The following POU6F2 variants were observed in gnomAD, a reference collection of about 807,000 sequenced individuals.
POU6F2 encodes the protein POU domain, class 6, transcription factor 2.
POU6F2 carries 31 observed loss-of-function variants against 71.3 expected under a neutral mutation model. The ratio of observed to expected loss-of-function variants is 0.43; its 90% CI spans 0.33 to 0.59. The LOEUF (loss-of-function observed/expected upper bound fraction) is 0.59. POU6F2 is among the 20% of genes least tolerant of loss of function. POU6F2 has a pLI of 0.04. For synonymous variants in POU6F2, 347 were observed against 355.7 expected (o/e 0.98, Z 0.27); for missense variants, 783 against 856.8 (o/e 0.91, Z 1.07).
chr7:39,160,657 C>T (rs564337161), intron 2 of POU6F2, among the ~76,000 whole-genome samples: 9 of 152,326 alleles, frequency 5.9e-5, no homozygotes, highest in Non-Finnish European at 1.0e-4. Flanking sequence ...CCTCTACCAT[C>T]AGCCCTATTT....
chr7:39,057,408 CT>C (rs1201873517), intron 1 of POU6F2, among the ~76,000 whole-genome samples: 1 of 151,888 alleles, frequency 6.6e-6, no homozygotes, highest in Non-Finnish European at 1.5e-5. Context: ...TTTTTGAAAT[CT>C]TTTTCTATTT....
At chr7:39,377,580 G>A (rs1451856226) in intron 5 of POU6F2, among the ~76,000 whole-genome samples, 1 of 152,176 alleles carries the variant, frequency 6.6e-6, no homozygotes, top group Non-Finnish European at 1.5e-5. Context: ...AGCTTTACAG[G>A]AAGAACTTCC....
At chr7:39,423,478 TG>T (rs1375350512) in intron 6 of POU6F2, among the ~76,000 whole-genome samples, 1 of 79,476 alleles carries the variant, frequency 1.3e-5, no homozygotes, top group Non-Finnish European at 2.6e-5. Context: ...ATTTGCTGAG[TG>T]AGTGAGTGAG....
intron 1 of POU6F2, among the ~76,000 whole-genome samples, chr7:39,042,717 G>T (rs533854250): frequency 1.3e-5 from 2 of 152,078 alleles, no homozygotes; most frequent in African/African-American, 4.8e-5. Context: ...GGCTTACCTT[G>T]CACTGTCAAT....
intron 4 of POU6F2, among the ~76,000 whole-genome samples, chr7:39,290,670 A>G (rs1784737045): frequency 1.3e-5 from 2 of 152,218 alleles, no homozygotes; most frequent in African/African-American, 4.8e-5. Context: ...TAAGAGGCAG[A>G]CCATGTGTCA....
At chr7:39,213,285 G>A (rs906672166) in intron 4 of POU6F2, among the ~76,000 whole-genome samples, 5 of 152,142 alleles carry the variant, frequency 3.3e-5, no homozygotes, top group South Asian at 2.1e-4. Context: ...AACCTGCCCC[G>A]GTTTTCTCTG....
intron 4 of POU6F2, among the ~76,000 whole-genome samples, chr7:39,216,473 G>A (rs1794243753): frequency 6.6e-6 from 1 of 152,132 alleles, no homozygotes; most frequent in African/African-American, 2.4e-5. Flanking sequence ...TAACATTCAG[G>A]ACAAGGCAAA....
intron 2 of POU6F2, among the ~76,000 whole-genome samples, chr7:39,163,055 A>G (rs1793031062): frequency 1.3e-5 from 2 of 152,198 alleles, no homozygotes. Context: ...AACTCATACC[A>G]GTATGAATTT....
intron 2 of POU6F2, among the ~76,000 whole-genome samples, chr7:39,167,480 A>G (rs563932487): frequency 1.4e-4 from 22 of 152,252 alleles, no homozygotes; most frequent in African/African-American, 5.3e-4. Context: ...TGAACATTGT[A>G]TGGATATCTT....
At chr7:39,416,688 A>G (rs1787684240) in intron 6 of POU6F2, among the ~76,000 whole-genome samples, 1 of 152,218 alleles carries the variant, frequency 6.6e-6, no homozygotes, top group Non-Finnish European at 1.5e-5. Flanking sequence ...TGAGTCTAAG[A>G]CACCACTGAT....
At chr7:39,007,988 C>T (rs1321457703) in intron 1 of POU6F2, among the ~76,000 whole-genome samples, 1 of 148,174 alleles carries the variant, frequency 6.7e-6, no homozygotes, top group African/African-American at 2.5e-5. Flanking sequence ...AATAAACATA[C>T]GTGTGCATGT....
rs1298376073 is a variant in POU6F2, at chr7:39,020,794, G to A, written c.105+42736G>A. On this transcript the variant is annotated intron_variant, in intron 1 of 9. Transcript: ENST00000518318. ...CTAGGTTAGATTTTTTTTTTTTAAT[G>A]TACAGAGTTTTTGACATCTGTTTGG... 5.3e-5 allele frequency among the ~76,000 whole-genome samples: 8 copies of A among 149,686 alleles called. No individual in the cohort carries two copies. The South Asian group carries it at 8.4e-4, about 16-fold the overall frequency.
intron 6 of POU6F2, among the ~76,000 whole-genome samples, chr7:39,424,240 G>A (rs1011347258): frequency 1.3e-5 from 2 of 152,080 alleles, no homozygotes; most frequent in Admixed American, 1.3e-4. Context: ...GAAGTTTGGG[G>A]GAACATAAAT....
intron 4 of POU6F2, among the ~76,000 whole-genome samples, chr7:39,280,019 G>A (rs1200456259): frequency 1.3e-5 from 2 of 152,104 alleles, no homozygotes; most frequent in East Asian, 3.9e-4. Context: ...TGCTGGGATT[G>A]TAGATGTGAG....
intron 5 of POU6F2, among the ~76,000 whole-genome samples, chr7:39,363,961 T>C (rs1786446357): frequency 6.6e-6 from 1 of 152,162 alleles, no homozygotes; most frequent in Admixed American, 6.5e-5. Flanking sequence ...AGCCAACAAA[T>C]GGCATAATAG....
chr7:39,122,985 C>A (rs1025239826), intron 2 of POU6F2, among the ~76,000 whole-genome samples: 1 of 152,144 alleles, frequency 6.6e-6, no homozygotes, highest in Non-Finnish European at 1.5e-5. Context: ...CCACCGCACC[C>A]GGTGATATGG....
chr7:39,444,435 T>C (rs1009919796), intron 7 of POU6F2, among the ~76,000 whole-genome samples: 2 of 152,174 alleles, frequency 1.3e-5, no homozygotes, highest in African/African-American at 4.8e-5. Flanking sequence ...ATACAAAAAG[T>C]TAGCTGCGCA....
At chr7:39,424,063 C>A (rs985576118) in intron 6 of POU6F2, among the ~76,000 whole-genome samples, 1 of 152,236 alleles carries the variant, frequency 6.6e-6, no homozygotes, top group African/African-American at 2.4e-5. Context: ...TGAGGACCCA[C>A]TTCCTGGTCA....
intron 1 of POU6F2, among the ~76,000 whole-genome samples, chr7:39,058,081 C>T (rs1277965466): frequency 6.6e-6 from 1 of 152,206 alleles, no homozygotes. Flanking sequence ...CCTGCTCCAG[C>T]TCTTAGACTT....
Sources: allele counts gnomAD v4.1 joint callset (sites outside exome capture counted in the v4.1 genomes callset), GRCh38; gene constraint gnomAD v4.1.1; transcripts MANE v1.5; gene names NCBI Gene and HGNC (gene_info 2026-07-23, HGNC 2026-07-21).